Variants in NTRK2 observed in about 807,000 individuals in gnomAD.
The protein encoded by NTRK2 is neurotrophic receptor tyrosine kinase 2, also known as BDNF/NT-3 growth factors receptor.
NTRK2 carries 13 observed loss-of-function variants against 94.5 expected under a neutral mutation model. The ratio of observed to expected loss-of-function variants is 0.14; its 90% CI spans 0.09 to 0.22. The LOEUF is 0.22. Ranked by LOEUF, NTRK2 falls within the 10% of genes least tolerant of loss-of-function variation. The pLI, the probability that NTRK2 is intolerant of heterozygous loss-of-function variation, is 1.00. For synonymous variants in NTRK2, 372 were observed against 407.4 expected, an observed-to-expected ratio of 0.91 and a Z score of 1.05; for missense variants, 639 against 1,071.2, an observed-to-expected ratio of 0.60 and a Z score of 5.63.
chr9:84,885,099 AT>A (rs1216341419), intron 14 of NTRK2, among the ~76,000 whole-genome samples: 7 of 152,234 alleles, frequency 4.6e-5, no homozygotes, highest in Non-Finnish European at 7.3e-5. Context: ...CCAGTCTGAA[AT>A]ATGTCTCCAG....
At chr9:84,705,887 T>G (rs2061025688) in intron 4 of NTRK2, among the ~76,000 whole-genome samples, 1 of 151,308 alleles carries the variant, frequency 6.6e-6, no homozygotes, top group Non-Finnish European at 1.5e-5. Flanking sequence ...CCTCCCGGGT[T>G]CCAGCAATTC....
chr9:84,698,557 C>G (rs545138266), intron 2 of NTRK2, among the ~76,000 whole-genome samples: 1 of 152,176 alleles, frequency 6.6e-6, no homozygotes, highest in East Asian at 1.9e-4. Context: ...GGATGAATAC[C>G]TGGAATAGAA....
chr9:84,888,858 C>T (rs2076502521), intron 14 of NTRK2, among the ~76,000 whole-genome samples: 1 of 151,850 alleles, frequency 6.6e-6, no homozygotes, highest in African/African-American at 2.4e-5. Flanking sequence ...AGCGTTGAGT[C>T]CATGATCAGG....
intron 2 of NTRK2, among the ~76,000 whole-genome samples, chr9:84,691,481 C>G (rs907935893): frequency 6.6e-6 from 1 of 152,096 alleles, no homozygotes; most frequent in African/African-American, 2.4e-5. Context: ...GAAGTTGTCT[C>G]CTTTGACAAG....
chr9:84,688,332 C>T (rs1045725211), intron 2 of NTRK2, among the ~76,000 whole-genome samples: 1 of 152,164 alleles, frequency 6.6e-6, no homozygotes, highest in Non-Finnish European at 1.5e-5. Context: ...CCTCATTGTG[C>T]TTTTGTGCTA....
intron 14 of NTRK2, among the ~76,000 whole-genome samples, chr9:84,879,040 T>C (rs2076175380): frequency 6.6e-6 from 1 of 152,160 alleles, no homozygotes; most frequent in African/African-American, 2.4e-5. Flanking sequence ...TCTACTGAAA[T>C]AGCAGATAAG....
At chr9:85,013,664 G>A (rs1831889239) in intron 17 of NTRK2, among the ~76,000 whole-genome samples, 1 of 152,206 alleles carries the variant, frequency 6.6e-6, no homozygotes, top group Admixed American at 6.5e-5. Flanking sequence ...AAAGGTTCAT[G>A]AATTTTTAAG....
chr9:84,832,249 T>C lies in NTRK2; in HGVS notation c.1397-28791T>C, dbSNP rs1438479696. 5.3e-5 allele frequency among the ~76,000 whole-genome samples: 8 copies of C among 152,312 alleles called. No individual in the cohort carries two copies. In the East Asian group the frequency reaches 1.5e-3, roughly 29 times the overall value. ...ACAATTTAATTCAATACACAAGCAA[T>C]TGGCACCCACACAGGGATGCTAGGC... On this transcript the variant is annotated intron_variant, in intron 12 of 18. Transcript: ENST00000277120.
At position 84,867,399 on chromosome 9, in the gene NTRK2, G is replaced by A. The variant is rs772901814; in HGVS notation, c.1601G>A (p.Gly534Asp). ...GTCATTGAAAATCCCCAGTACTTTG[G>A]CATCACCAACAGTCAGCTCAAGCCA... Reference protein sequence around the residue: ...IPVIENPQYFGITNSQLKPDT... With the variant: ...IPVIENPQYFDITNSQLKPDT... The change falls in exon 14 of 19, where the codon GGC (glycine) becomes GAC (aspartate). Residue 534 changes from glycine to aspartate, a missense_variant. Coordinates refer to ENST00000277120, the MANE Select transcript of NTRK2 (RefSeq NM_006180.6). The A allele has an allele frequency of 6.2e-7, 1 of 1,613,962 alleles. No individual in the cohort carries two copies. Among genetic ancestry groups the A allele is most frequent in the Admixed American group, 1.7e-5 (1 of 59,998 alleles).
chr9:84,685,434 A>G (rs2131459233), intron 2 of NTRK2, among the ~76,000 whole-genome samples: 1 of 150,440 alleles, frequency 6.6e-6, no homozygotes. Context: ...TTTCAGGATG[A>G]TTCTAGCGTG....
chr9:84,803,793 A>G (rs866504297), intron 12 of NTRK2, among the ~76,000 whole-genome samples: 1 of 152,134 alleles, frequency 6.6e-6, no homozygotes, highest in Non-Finnish European at 1.5e-5. Context: ...AGCCCCACAT[A>G]TGTATGTTTC....
At chr9:84,890,816 T>A (rs1353886505) in intron 14 of NTRK2, among the ~76,000 whole-genome samples, 1 of 152,244 alleles carries the variant, frequency 6.6e-6, no homozygotes, top group East Asian at 1.9e-4. Context: ...TCTGGGAGAT[T>A]ATCTTCTTGT....
intron 14 of NTRK2, among the ~76,000 whole-genome samples, chr9:84,886,919 T>C (rs1030601794): frequency 2.0e-5 from 3 of 152,300 alleles, no homozygotes; most frequent in Middle Eastern, 3.4e-3. Context: ...AAAGGAGCAG[T>C]GAATGGGTGT....
chr9:84,873,489 C>A lies in NTRK2; in HGVS notation c.1633+6058C>A, dbSNP rs199850455. 6.6e-6 allele frequency: 7 copies of A among 1,059,362 alleles called. No individual in the cohort carries two copies. In the Admixed American group the frequency reaches 1.6e-4, roughly 24 times the overall value. 65.6% of individuals were successfully genotyped at this position (1,059,362 alleles called of 1,614,324 possible). On this transcript the variant is annotated intron_variant, in intron 14 of 18. Coordinates refer to ENST00000277120, the MANE Select transcript of NTRK2 (RefSeq NM_006180.6). ...CAGGTCCCAATACAATTCCTTCCCC[C>A]TCTCAGTGCCACGGCCCCCCCATTG...
chr9:84,704,225 CTTT>C (rs773413015), intron 4 of NTRK2, among the ~76,000 whole-genome samples: 10 of 93,714 alleles, frequency 1.1e-4, no homozygotes, highest in African/African-American at 4.3e-4. Flanking sequence ...TGGTGGTATT[CTTT>C]TTTTTTTTTT....
intron 17 of NTRK2, among the ~76,000 whole-genome samples, chr9:84,986,360 T>C (rs1051581751): frequency 2.0e-5 from 3 of 152,214 alleles, no homozygotes; most frequent in Admixed American, 6.5e-5. Flanking sequence ...CTTCAGGTCA[T>C]CATCATTAGC....
chr9:84,776,068 C>T (rs1334401642), intron 12 of NTRK2, among the ~76,000 whole-genome samples: 2 of 151,950 alleles, frequency 1.3e-5, no homozygotes, highest in African/African-American at 4.8e-5. Context: ...ACATTATTAC[C>T]TAAGAGAGTA....
At chr9:84,934,083 A>G in intron 14 of NTRK2, 79 bp from the exon 15 acceptor site, 1 of 1,526,738 alleles carries the variant, frequency 6.5e-7, no homozygotes, top group South Asian at 1.1e-5. Flanking sequence ...AAGCTCAGGT[A>G]CAGGCCACCA....
chr9:84,867,533 G>A (rs1015377571), intron 14 of NTRK2, 102 bp downstream of exon 14: 6 of 1,005,912 alleles, frequency 6.0e-6, no homozygotes, highest in Admixed American at 3.4e-5. Flanking sequence ...GGGGAACAGG[G>A]TGCAGTGAAA....
Sources: gnomAD v4.1 joint callset for allele counts (sites outside exome capture counted in the v4.1 genomes callset) on GRCh38, gnomAD v4.1.1 for gene constraint, MANE v1.5 for transcripts, NCBI Gene and HGNC (gene_info 2026-07-23, HGNC 2026-07-21) for gene names.